UBR3: variants seen among roughly 807,000 people sequenced by gnomAD.
The protein encoded by UBR3 is E3 ubiquitin-protein ligase UBR3.
A neutral mutation model predicts 243.2 loss-of-function variants in UBR3; 85 were observed. The ratio of observed to expected loss-of-function variants is 0.35; its 90% CI spans 0.29 to 0.42. The LOEUF (loss-of-function observed/expected upper bound fraction) is 0.42. Among genes scored for constraint, UBR3 ranks in the 10% least tolerant of loss-of-function variants. UBR3 has a pLI of 1.00. For missense variants in UBR3, 1,686 were observed against 2,300.8 expected (o/e 0.73, Z 5.47); for synonymous variants, 748 against 799.8 (o/e 0.94, Z 1.09).
chr2:169,952,845 CA>C (rs1433039464), intron 23 of UBR3, among the ~76,000 whole-genome samples: 1 of 152,054 alleles, frequency 6.6e-6, no homozygotes, highest in Non-Finnish European at 1.5e-5. Context: ...ACATATAATT[CA>C]GATGACCATT....
intron 1 of UBR3, among the ~76,000 whole-genome samples, chr2:169,862,349 T>A (rs1000718346): frequency 5.3e-5 from 8 of 152,190 alleles, no homozygotes; most frequent in Non-Finnish European, 1.0e-4. Context: ...CTTTAGTCCT[T>A]CCTATTAGCG....
At chr2:169,982,324 A>G (rs2088775082) in intron 24 of UBR3, among the ~76,000 whole-genome samples, 1 of 152,150 alleles carries the variant, frequency 6.6e-6, no homozygotes, top group African/African-American at 2.4e-5. Flanking sequence ...ACATGAAGCA[A>G]GAAGATTTTT....
At position 169,925,602 on chromosome 2, in the gene UBR3, C is replaced by T. The variant is rs944799266; in HGVS notation, c.2023-17C>T. On this transcript the variant is annotated splice_polypyrimidine_tract_variant and intron_variant, in intron 13 of 38. Transcript: ENST00000272793. Reference sequence around the variant, plus strand: ...GCATTTAGATAATTTATTCTTTGTCCAATTTACTTTTATTAGGCAAGTCTT... The same window carrying T: ...GCATTTAGATAATTTATTCTTTGTCTAATTTACTTTTATTAGGCAAGTCTT... The T allele has an allele frequency of 1.3e-6, 2 of 1,526,860 alleles. No individual in the cohort carries two copies. Among genetic ancestry groups the T allele is most frequent in the African/African-American group, 1.4e-5 (1 of 71,734 alleles). The allele number at this position is 1,526,860 out of a possible 1,614,324, so 94.6% of individuals were successfully genotyped here.
At position 170,001,412 on chromosome 2, in the gene UBR3, C is replaced by T. The variant is rs781700814; in HGVS notation, c.4027C>T (p.Arg1343Trp). 33 of 1,608,778 alleles carry T rather than the reference C, an allele frequency of 2.1e-5. No homozygotes were observed. Among genetic ancestry groups the T allele is most frequent in the Admixed American group, 3.3e-5 (2 of 59,770 alleles). The change falls in exon 27 of 39, where the codon CGG becomes TGG. Residue 1343 changes from arginine to tryptophan, a missense_variant and splice_region_variant. Coordinates refer to ENST00000272793, the MANE Select transcript of UBR3 (RefSeq NM_172070.4). ...TCATAAATCTTACATGGAATCATTA[C>T]GGGTAAGTTGATTGCAAAAATTTTT... ...DCHKSYMESL[R>W]NDQVLQGFSV...
chr2:170,010,520 A>G (rs2090051887), intron 29 of UBR3, among the ~76,000 whole-genome samples: 1 of 152,160 alleles, frequency 6.6e-6, no homozygotes, highest in African/African-American at 2.4e-5. Context: ...ATTTAGTGGA[A>G]GTTTTAGATC....
chr2:170,007,365 T>G (rs921022385), intron 28 of UBR3, among the ~76,000 whole-genome samples, 175 bp downstream of exon 28: 4 of 152,248 alleles, frequency 2.6e-5, no homozygotes, highest in Middle Eastern at 3.2e-3. Context: ...CAAATTATTA[T>G]CAAAGGCTAT....
chr2:169,876,084 CTT>C (rs547614070), intron 3 of UBR3, 135 bp downstream of exon 3: 9,653 of 412,876 alleles, frequency 0.023, no homozygotes, highest in South Asian at 0.031. Flanking sequence ...AAGAGAACTT[CTT>C]TTTTTTTTTT....
intron 5 of UBR3, 131 bp downstream of exon 5, chr2:169,878,705 A>G: frequency 1.2e-6 from 1 of 845,726 alleles, no homozygotes; most frequent in Non-Finnish European, 1.8e-6. Context: ...TAAGTTTCTC[A>G]TTCTATAGAC....
chr2:170,008,883 A>G lies in UBR3; in HGVS notation c.4310A>G (p.Tyr1437Cys). The G allele has an allele frequency of 1.9e-6, 3 of 1,597,284 alleles. No homozygotes were observed. The highest frequency in any genetic ancestry group is 1.7e-6 in the Non-Finnish European group (2 of 1,170,830). The change falls in exon 29 of 39, where the codon TAT (tyrosine) becomes TGT (cysteine). Residue 1437 changes from tyrosine (Y) to cysteine (C), a missense_variant. Transcript: ENST00000272793. ...KNTTQKKYRDYSKTPGSPDND... is the reference protein window; with the variant it reads ...KNTTQKKYRDCSKTPGSPDND... Reference sequence around the variant, plus strand: ...ACCACTCAGAAGAAATATAGAGACTATAGCAAGACCCCGGGCTCACCAGAC... The same window carrying G: ...ACCACTCAGAAGAAATATAGAGACTGTAGCAAGACCCCGGGCTCACCAGAC...
rs1443204814 is a variant in UBR3 at position 169,828,207 on chromosome 2, C to T, written c.545+155C>T. Among the ~76,000 whole-genome samples, 4 of 113,794 alleles carry T rather than the reference C, an allele frequency of 3.5e-5. No individual in the cohort carries two copies. The South Asian group carries it at 8.0e-4, about 23-fold the overall frequency. The allele number at this position is 113,794 out of a possible 152,430, so 74.7% of individuals were successfully genotyped here. A position where few individuals can be genotyped will look rare whatever the true frequency, so the allele number is the denominator to read the frequency against. On this transcript the variant is annotated intron_variant, in intron 1 of 38. Coordinates refer to ENST00000272793, the MANE Select transcript of UBR3 (RefSeq NM_172070.4). The stretch of plus-strand genomic sequence containing the variant: ...GGGATGGAGGTGACTGAGCTGTCAG[C>T]GGTGGAAAGGGGGTGGGGAGGAGAA...
At chr2:169,992,303 T>G (rs1348611721) in intron 25 of UBR3, among the ~76,000 whole-genome samples, 1 of 152,198 alleles carries the variant, frequency 6.6e-6, no homozygotes, top group Non-Finnish European at 1.5e-5. Context: ...ACCAGATGGC[T>G]TCACTGGTGA....
chr2:169,838,313 C>T (rs73022457), intron 1 of UBR3, among the ~76,000 whole-genome samples: 6,614 of 151,872 alleles, frequency 0.044, 166 homozygotes, highest in Middle Eastern at 0.068. Context: ...GCTGCTGTTA[C>T]ATCAGACGGA....
Position 169,896,518 on chromosome 2 carries a change from A to C in UBR3, c.1248A>C (p.Thr416=). ...LPDQEYKVAF[T]KTFVQHYAFI... Reference sequence around the variant, plus strand: ...TAAAATGTTTACAGGTTGCTTTTACAAAAACTTTTGTTCAGCATTATGCTT... The same window carrying C: ...TAAAATGTTTACAGGTTGCTTTTACCAAAACTTTTGTTCAGCATTATGCTT... Residue 416 remains threonine (T), a synonymous_variant, in exon 8 of 39, where the codon ACA becomes ACC. Coordinates refer to ENST00000272793, the MANE Select transcript of UBR3 (RefSeq NM_172070.4). 1 of 1,522,646 alleles carries C rather than the reference A, an allele frequency of 6.6e-7. No homozygotes were observed. Among genetic ancestry groups the C allele is most frequent in the Non-Finnish European group, 8.8e-7 (1 of 1,130,740 alleles). 94.3% of individuals were successfully genotyped at this position (1,522,646 alleles called of 1,614,324 possible). A position where few individuals can be genotyped will look rare whatever the true frequency, so the allele number is the denominator to read the frequency against.
At chr2:170,062,894 TAC>T (rs1188347991) in intron 35 of UBR3, among the ~76,000 whole-genome samples, 2 of 152,168 alleles carry the variant, frequency 1.3e-5, no homozygotes, top group Non-Finnish European at 2.9e-5. Flanking sequence ...AAGAAAGAAA[TAC>T]ATTCAATATG....
At chr2:169,859,856 A>G (rs2083027053) in intron 1 of UBR3, among the ~76,000 whole-genome samples, 1 of 152,044 alleles carries the variant, frequency 6.6e-6, no homozygotes, top group South Asian at 2.1e-4. Context: ...AGCTGGGACT[A>G]CAGGGGCACG....
At chr2:170,005,466 A>T (rs2089881118) in intron 27 of UBR3, among the ~76,000 whole-genome samples, 1 of 152,222 alleles carries the variant, frequency 6.6e-6, no homozygotes, top group Non-Finnish European at 1.5e-5. Flanking sequence ...ATGAAAGGAC[A>T]CATAGAGGGC....
At chr2:169,986,882 A>G in intron 25 of UBR3, 88 bp downstream of exon 25, 1 of 1,399,202 alleles carries the variant, frequency 7.1e-7, no homozygotes, top group South Asian at 1.4e-5. Flanking sequence ...AATGAAAATT[A>G]TATCTTTGTC....
At chr2:170,068,724 G>C (rs1184366936) in intron 35 of UBR3, among the ~76,000 whole-genome samples, 1 of 152,008 alleles carries the variant, frequency 6.6e-6, no homozygotes, top group African/African-American at 2.4e-5. Flanking sequence ...AGCTGAGCTG[G>C]AAGAGAGCTG....
At chr2:169,852,744 A>G (rs1007147900) in intron 1 of UBR3, among the ~76,000 whole-genome samples, 1 of 148,592 alleles carries the variant, frequency 6.7e-6, no homozygotes, top group Non-Finnish European at 1.5e-5. Context: ...CCAGCTATTC[A>G]GGAGGCTGAG....
Sources: allele counts gnomAD v4.1 joint callset (sites outside exome capture counted in the v4.1 genomes callset), GRCh38; gene constraint gnomAD v4.1.1; transcripts MANE v1.5; gene names NCBI Gene and HGNC (gene_info 2026-07-23, HGNC 2026-07-21).